CTNND2: variants seen among roughly 807,000 people sequenced by gnomAD.
CTNND2 encodes the protein catenin delta-2.
In CTNND2, 22 loss-of-function variants were observed where a neutral mutation model predicts 144.4. The ratio of observed to expected loss-of-function variants is 0.15; its 90% CI spans 0.11 to 0.22. The LOEUF (loss-of-function observed/expected upper bound fraction) is 0.22, where lower values mean the gene tolerates loss of function less well. Ranked by LOEUF, CTNND2 falls within the 10% of genes least tolerant of loss-of-function variation. CTNND2 has a pLI of 1.00. For missense variants in CTNND2, 1,353 were observed against 1,618.8 expected (o/e 0.84, Z 2.82); for synonymous variants, 751 against 695.6 (o/e 1.08, Z -1.25).
At chr5:11,888,798 G>A (rs550842748) in intron 1 of CTNND2, among the ~76,000 whole-genome samples, 2 of 149,770 alleles carry the variant, frequency 1.3e-5, no homozygotes, top group Admixed American at 6.7e-5. Flanking sequence ...CCAGGCTGGA[G>A]TGAGGTGGCA....
At chr5:11,020,212 T>C (rs1295438035) in intron 17 of CTNND2, among the ~76,000 whole-genome samples, 1 of 152,122 alleles carries the variant, frequency 6.6e-6, no homozygotes, top group Non-Finnish European at 1.5e-5. Flanking sequence ...CTCATTAACA[T>C]CACTGCACAT....
chr5:11,669,877 G>T (rs1379424943), intron 2 of CTNND2, among the ~76,000 whole-genome samples: 1 of 152,120 alleles, frequency 6.6e-6, no homozygotes, highest in East Asian at 1.9e-4. Context: ...GCTTTCTCTT[G>T]TGGGCATTTA....
At chr5:11,662,187 GTA>G (rs1207769789) in intron 2 of CTNND2, among the ~76,000 whole-genome samples, 1 of 122,250 alleles carries the variant, frequency 8.2e-6, no homozygotes, top group Non-Finnish European at 1.8e-5. Context: ...ACATATATGT[GTA>G]TATATGTGTA....
chr5:11,310,584 T>C (rs1750691361), intron 9 of CTNND2, among the ~76,000 whole-genome samples: 1 of 151,852 alleles, frequency 6.6e-6, no homozygotes, highest in Non-Finnish European at 1.5e-5. Flanking sequence ...AGTTGTCCTT[T>C]ACCTTCAAAA....
At chr5:11,042,798 G>A (rs1256491265) in intron 16 of CTNND2, among the ~76,000 whole-genome samples, 1 of 151,184 alleles carries the variant, frequency 6.6e-6, no homozygotes, top group Non-Finnish European at 1.5e-5. Flanking sequence ...AGCAAGCCTG[G>A]TGTGGCTTGG....
intron 12 of CTNND2, among the ~76,000 whole-genome samples, chr5:11,144,785 T>C (rs1561378567): frequency 6.6e-6 from 1 of 152,314 alleles, no homozygotes; most frequent in South Asian, 2.1e-4. Context: ...GTGAGGTTCC[T>C]AGCTCCTGTT....
intron 10 of CTNND2, among the ~76,000 whole-genome samples, chr5:11,204,828 A>T (rs1037752169): frequency 6.6e-6 from 1 of 152,180 alleles, no homozygotes; most frequent in African/African-American, 2.4e-5. Flanking sequence ...AAAAAAAAAT[A>T]CTATGACAAG....
intron 3 of CTNND2, among the ~76,000 whole-genome samples, chr5:11,455,693 T>C (rs1581234477): frequency 6.6e-6 from 1 of 152,128 alleles, no homozygotes; most frequent in African/African-American, 2.4e-5. Flanking sequence ...ATTCAAGAAG[T>C]GATCATACCT....
At chr5:11,584,425 T>G (rs2256715) in intron 2 of CTNND2, among the ~76,000 whole-genome samples, 68,912 of 123,438 alleles carry the variant, frequency 0.56, 18,325 homozygotes, top group Middle Eastern at 0.73. Context: ...ATATTTTTTT[T>G]GGGGGGGGGG....
At chr5:11,760,885 C>T (rs565884588) in intron 1 of CTNND2, among the ~76,000 whole-genome samples, 1 of 152,134 alleles carries the variant, frequency 6.6e-6, no homozygotes, top group African/African-American at 2.4e-5. Flanking sequence ...GGTCTCAACA[C>T]TTATTGGTTG....
chr5:11,147,901 C>T (rs11948241), intron 12 of CTNND2, among the ~76,000 whole-genome samples: 4,727 of 152,174 alleles, frequency 0.031, 121 homozygotes, highest in East Asian at 0.13. Flanking sequence ...ATACAATAGC[C>T]GAAGAGTGAA....
chr5:11,468,639 G>A (rs1427681872), intron 3 of CTNND2, among the ~76,000 whole-genome samples: 6 of 152,232 alleles, frequency 3.9e-5, no homozygotes, highest in Non-Finnish European at 7.4e-5. Flanking sequence ...TAACGTTAAT[G>A]ACTACACTTA....
intron 10 of CTNND2, among the ~76,000 whole-genome samples, chr5:11,224,959 T>G (rs1740174204): frequency 6.6e-6 from 1 of 152,188 alleles, no homozygotes; most frequent in Admixed American, 6.5e-5. Flanking sequence ...CAGCCCTTTT[T>G]GGCTTCTTTT....
chr5:11,343,202 A>G (rs1422957233), intron 9 of CTNND2, among the ~76,000 whole-genome samples: 4 of 152,218 alleles, frequency 2.6e-5, no homozygotes, highest in African/African-American at 9.6e-5. Context: ...TTTGTATCCT[A>G]TGACTTAGAG....
At chr5:11,839,605 A>C (rs1794348828) in intron 1 of CTNND2, among the ~76,000 whole-genome samples, 1 of 152,146 alleles carries the variant, frequency 6.6e-6, no homozygotes, top group Admixed American at 6.5e-5. Context: ...GGAAGACACA[A>C]ACAGCTGGGA....
At chr5:11,738,457 C>T (rs895480248) in intron 1 of CTNND2, among the ~76,000 whole-genome samples, 2 of 152,132 alleles carry the variant, frequency 1.3e-5, no homozygotes, top group East Asian at 3.9e-4. Flanking sequence ...AAATAGGAGT[C>T]TCTATAAATT....
chr5:11,171,531 T>G (rs1759912405), intron 11 of CTNND2, among the ~76,000 whole-genome samples: 1 of 152,226 alleles, frequency 6.6e-6, no homozygotes, highest in African/African-American at 2.4e-5. Flanking sequence ...ATTCTCTTCT[T>G]CCTTTTGGTT....
chr5:11,494,676 T>C lies in CTNND2; in HGVS notation c.287+70268A>G, dbSNP rs74650309. ...TTCTTATTTGGATGGCTCCCAATACTTCTGATAGGTTTCAGAAAAGAATAA... is the reference window on the plus strand; with the variant it reads ...TTCTTATTTGGATGGCTCCCAATACCTCTGATAGGTTTCAGAAAAGAATAA... On this transcript the variant is annotated intron_variant, in intron 3 of 21. Coordinates refer to ENST00000304623, the MANE Select transcript of CTNND2 (RefSeq NM_001332.4). Among the ~76,000 whole-genome samples the C allele has an allele frequency of 7.0e-3, 1,062 of 152,276 alleles. 11 individuals carry two copies. The highest frequency in any genetic ancestry group is 0.024 in the African/African-American group (1,002 of 41,558).
At chr5:11,237,759 G>C (rs1741803594) in intron 9 of CTNND2, among the ~76,000 whole-genome samples, 1 of 152,170 alleles carries the variant, frequency 6.6e-6, no homozygotes, top group African/African-American at 2.4e-5. Flanking sequence ...TCAGACAAGA[G>C]AAAACAGAAT....
Sources: gnomAD v4.1 joint callset for allele counts (sites outside exome capture counted in the v4.1 genomes callset) on GRCh38, gnomAD v4.1.1 for gene constraint, MANE v1.5 for transcripts, NCBI Gene and HGNC (gene_info 2026-07-23, HGNC 2026-07-21) for gene names.